The following LRRC69 variants were observed in gnomAD, a reference collection of about 807,000 sequenced individuals.
LRRC69 encodes the protein leucine-rich repeat-containing protein 69.
Under a neutral mutation model 37.8 loss-of-function variants are expected in LRRC69, and 42 were observed. The observed-to-expected ratio is 1.11, with a 90% CI of 0.87 to 1.44. The LOEUF is 1.44. Among genes scored for constraint, LRRC69 ranks in the 40% most tolerant of loss-of-function variants. The pLI is 0.00. For synonymous variants in LRRC69, 141 were observed against 143.1 expected (o/e 0.99, Z 0.11); for missense variants, 357 against 401.9 (o/e 0.89, Z 0.96).
At chr8:91,158,685 G>C (rs1466750243) in intron 5 of LRRC69, 23 of 1,203,500 alleles carry the variant, frequency 1.9e-5, no homozygotes, top group Non-Finnish European at 2.8e-5. Flanking sequence ...CCATGTGACT[G>C]ACCACATTCA....
intron 5 of LRRC69, among the ~76,000 whole-genome samples, chr8:91,148,239 C>G (rs546527156): frequency 1.3e-5 from 2 of 150,858 alleles, no homozygotes; most frequent in Admixed American, 1.3e-4. Flanking sequence ...CCGCTCCCCC[C>G]ACCCCACATC....
chr8:91,197,633 T>C (rs1445973626), intron 6 of LRRC69, among the ~76,000 whole-genome samples: 1 of 152,072 alleles, frequency 6.6e-6, no homozygotes, highest in East Asian at 1.9e-4. Context: ...CCCCTTTCTT[T>C]GACTAGGAAA....
At position 91,127,083 on chromosome 8, in the gene LRRC69, A is replaced by G. The variant is rs544504538; in HGVS notation, c.311-5A>G. The G allele has an allele frequency of 6.5e-7, 1 of 1,544,954 alleles. No individual in the cohort carries two copies. Among genetic ancestry groups the G allele is most frequent in the Admixed American group, 2.0e-5 (1 of 49,484 alleles). ...GCTAAAGTGACTAAAATTATTTTCTAACAGATGGCTTACAAAATTTAATCC... is the reference window on the plus strand; with the variant it reads ...GCTAAAGTGACTAAAATTATTTTCTGACAGATGGCTTACAAAATTTAATCC... On this transcript the variant is annotated splice_polypyrimidine_tract_variant and splice_region_variant and intron_variant, in intron 2 of 7. Transcript: ENST00000448384.
exon 7 of LRRC69, chr8:91,200,786 A>T: frequency 6.5e-7 from 1 of 1,530,440 alleles, no homozygotes; most frequent in South Asian, 1.3e-5. Context: ...TTGTTCCTCC[A>T]CCAAAGGTAA....
intron 5 of LRRC69, chr8:91,157,245 A>C (rs1808852252): frequency 7.2e-7 from 1 of 1,392,424 alleles, no homozygotes; most frequent in Middle Eastern, 1.8e-4. Context: ...TGACATTAGA[A>C]AGCACACTTC....
chr8:91,192,972 C>T (rs59781848), intron 6 of LRRC69, among the ~76,000 whole-genome samples: 22 of 152,176 alleles, frequency 1.4e-4, no homozygotes, highest in African/African-American at 4.1e-4. Flanking sequence ...GGGTTTTTTA[C>T]GGTTTTAGAT....
At chr8:91,161,740 T>C (rs1808949179) in intron 5 of LRRC69, among the ~76,000 whole-genome samples, 1 of 151,434 alleles carries the variant, frequency 6.6e-6, no homozygotes, top group South Asian at 2.1e-4. Flanking sequence ...TTAAATTTGC[T>C]TTTTATTCTC....
intron 6 of LRRC69, among the ~76,000 whole-genome samples, chr8:91,200,245 C>A (rs1006733521): frequency 1.3e-5 from 2 of 152,150 alleles, no homozygotes; most frequent in African/African-American, 4.8e-5. Context: ...TGACAAAATT[C>A]ATTTTTGAAT....
chr8:91,122,752 A>G (rs1186710208), intron 1 of LRRC69, among the ~76,000 whole-genome samples: 1 of 152,036 alleles, frequency 6.6e-6, no homozygotes, highest in Non-Finnish European at 1.5e-5. Flanking sequence ...CACTAAATTT[A>G]GGCAAAAGAA....
chr8:91,176,147 C>CT (rs1460150920), intron 5 of LRRC69, among the ~76,000 whole-genome samples: 8 of 70,444 alleles, frequency 1.1e-4, no homozygotes, highest in Admixed American at 8.9e-4. Flanking sequence ...TTTTTTTTTT[C>CT]TTTTTTTTGA....
At chr8:91,108,743 T>C (rs1813362128) in intron 1 of LRRC69, among the ~76,000 whole-genome samples, 1 of 152,060 alleles carries the variant, frequency 6.6e-6, no homozygotes, top group African/African-American at 2.4e-5. Context: ...TATTTATTTA[T>C]TTTTAAGCTC....
chr8:91,197,350 G>T (rs371523825), intron 6 of LRRC69, among the ~76,000 whole-genome samples: 15 of 152,282 alleles, frequency 9.9e-5, no homozygotes, highest in South Asian at 4.1e-4. Flanking sequence ...CAGGCCTCCT[G>T]GAGCTGTGGT....
intron 2 of LRRC69, among the ~76,000 whole-genome samples, chr8:91,125,989 C>T (rs1813707421): frequency 6.6e-6 from 1 of 151,890 alleles, no homozygotes; most frequent in African/African-American, 2.4e-5. Flanking sequence ...TAGCCATCAT[C>T]TCAAACACTT....
chr8:91,136,170 G>A (rs909154975), intron 5 of LRRC69, among the ~76,000 whole-genome samples: 1 of 151,764 alleles, frequency 6.6e-6, no homozygotes, highest in Non-Finnish European at 1.5e-5. Context: ...AATGAATTTT[G>A]ACCTCATTTT....
At chr8:91,137,675 T>C (rs550102549) in intron 5 of LRRC69, among the ~76,000 whole-genome samples, 3 of 152,184 alleles carry the variant, frequency 2.0e-5, no homozygotes, top group African/African-American at 7.2e-5. Context: ...GTGTAGTACC[T>C]ATTTCAGGAA....
chr8:91,187,952 G>A (rs1809431817), intron 5 of LRRC69, among the ~76,000 whole-genome samples: 1 of 152,126 alleles, frequency 6.6e-6, no homozygotes, highest in Non-Finnish European at 1.5e-5. Context: ...AGAGGACTGT[G>A]AGTTTAGTAT....
chr8:91,158,603 T>C, intron 5 of LRRC69: 2 of 1,414,940 alleles, frequency 1.4e-6, no homozygotes, highest in East Asian at 4.6e-5. Flanking sequence ...CTGATGTCTT[T>C]GACATTTTCC....
chr8:91,133,325 A>G lies in LRRC69; in HGVS notation c.579+20A>G. 6.8e-7 allele frequency: 1 copy of G among 1,478,140 alleles called. No homozygotes were observed. The highest frequency in any genetic ancestry group is 8.9e-7 in the Non-Finnish European group (1 of 1,119,878). The allele number at this position is 1,478,140 out of a possible 1,614,324, so 91.6% of individuals were successfully genotyped here. On this transcript the variant is annotated intron_variant, in intron 4 of 7. Transcript: ENST00000448384. Reference sequence around the variant, plus strand: ...CCGGAGGTAAGCAAAACATGGAACCACAGTAGTTTGCTGTTGGAGAAGAAC... The same window carrying G: ...CCGGAGGTAAGCAAAACATGGAACCGCAGTAGTTTGCTGTTGGAGAAGAAC...
chr8:91,201,218 G>A (rs1809706623), intron 7 of LRRC69, among the ~76,000 whole-genome samples: 1 of 152,172 alleles, frequency 6.6e-6, no homozygotes, highest in Non-Finnish European at 1.5e-5. Context: ...GCATGAATGT[G>A]CACCTGCAAC....
Sources: gnomAD v4.1 joint callset for allele counts (sites outside exome capture counted in the v4.1 genomes callset) on GRCh38, gnomAD v4.1.1 for gene constraint, MANE v1.5 for transcripts, NCBI Gene and HGNC (gene_info 2026-07-23, HGNC 2026-07-21) for gene names.